ERC2: variants seen among roughly 807,000 people sequenced by gnomAD.
ERC2 encodes ERC protein 2.
In ERC2, 42 loss-of-function variants were observed where a neutral mutation model predicts 114.8. The observed-to-expected ratio is 0.37, with a 90% CI of 0.29 to 0.47. The LOEUF is 0.47. ERC2 is among the 20% of genes least tolerant of loss of function. The pLI, the probability that ERC2 is intolerant of heterozygous loss-of-function variation, is 0.99. For missense variants in ERC2, 939 were observed against 1,150.7 expected, an observed-to-expected ratio of 0.82 and a Z score of 2.66; for synonymous variants, 454 against 425.5, an observed-to-expected ratio of 1.07 and a Z score of -0.82.
In ERC2 at chr3:55,995,329, C is replaced by CTCAATCAA. The variant is rs71099607; in HGVS notation, c.2062-3087_2062-3080dup. 8.9e-4 allele frequency among the ~76,000 whole-genome samples: 135 copies of CTCAATCAA among 151,014 alleles called. No individual in the cohort carries two copies. The East Asian group carries it at 0.011, about 12-fold the overall frequency. ...GCCTGGCGACAGAGCGATACTCCAT[C>CTCAATCAA]TCAATCAATCAATCAATCAATCAAT... is the stretch of plus-strand genomic sequence containing the variant. On this transcript the variant is annotated intron_variant, in intron 10 of 17. Coordinates refer to ENST00000288221, the MANE Select transcript of ERC2 (RefSeq NM_015576.3).
chr3:56,407,000 TTTC>T (rs1308320755), intron 2 of ERC2, among the ~76,000 whole-genome samples: 1 of 152,162 alleles, frequency 6.6e-6, no homozygotes, highest in Non-Finnish European at 1.5e-5. Flanking sequence ...ATAAATGTAA[TTTC>T]TGCTTGGAAA....
chr3:56,188,881 C>T (rs748570773), intron 3 of ERC2, among the ~76,000 whole-genome samples: 4 of 152,114 alleles, frequency 2.6e-5, no homozygotes, highest in East Asian at 1.9e-4. Context: ...ATCTGCTGTC[C>T]GACTCTCCCC....
rs1175494452 is a variant in ERC2, at chr3:56,084,511, G to GAT, written c.1474-3529_1474-3528dup. On this transcript the variant is annotated intron_variant, in intron 6 of 17. Coordinates refer to ENST00000288221, the MANE Select transcript of ERC2 (RefSeq NM_015576.3). ...GTAGATAAAGTATGATAACAAATAA[G>GAT]ATATATATATGATAAGAATGAAATA... Among the ~76,000 whole-genome samples the GAT allele has an allele frequency of 2.0e-5, 3 of 151,984 alleles. No individual in the cohort carries two copies. In the East Asian group the frequency reaches 5.8e-4, roughly 29 times the overall value.
intron 14 of ERC2, among the ~76,000 whole-genome samples, chr3:55,839,936 T>C (rs2061059106): frequency 6.6e-6 from 1 of 152,004 alleles, no homozygotes. Flanking sequence ...ATATGCAGTC[T>C]ACAAGTTATC....
At chr3:56,381,338 CT>C (rs1387389609) in intron 2 of ERC2, among the ~76,000 whole-genome samples, 1 of 152,132 alleles carries the variant, frequency 6.6e-6, no homozygotes, top group African/African-American at 2.4e-5. Context: ...CCAAGACCCC[CT>C]ATGCATAACA....
chr3:55,835,026 T>C (rs1234153391), intron 14 of ERC2, among the ~76,000 whole-genome samples: 3 of 151,436 alleles, frequency 2.0e-5, no homozygotes, highest in Non-Finnish European at 4.4e-5. Context: ...CCTCGACACA[T>C]ACACCCTCCC....
chr3:56,390,094 A>G (rs930327083), intron 2 of ERC2, among the ~76,000 whole-genome samples: 1 of 152,202 alleles, frequency 6.6e-6, no homozygotes, highest in Non-Finnish European at 1.5e-5. Context: ...ATGGAATAAT[A>G]TGTTCTTACA....
chr3:56,445,988 C>T (rs1386438636), intron 1 of ERC2, among the ~76,000 whole-genome samples: 3 of 151,958 alleles, frequency 2.0e-5, no homozygotes, highest in Non-Finnish European at 4.4e-5. Flanking sequence ...ATCTCAATGG[C>T]CCTCTTGTTT....
intron 7 of ERC2, among the ~76,000 whole-genome samples, chr3:56,019,823 A>T (rs1350478802): frequency 6.6e-6 from 1 of 152,156 alleles, no homozygotes; most frequent in Non-Finnish European, 1.5e-5. Flanking sequence ...CAAACCATGT[A>T]TTTCTTATCT....
chr3:55,864,269 ATGTG>A (rs1160212991), intron 14 of ERC2, among the ~76,000 whole-genome samples: 6 of 148,798 alleles, frequency 4.0e-5, no homozygotes, highest in Non-Finnish European at 7.4e-5. Context: ...GTGTGTGTGT[ATGTG>A]TGTGTTTATA....
intron 14 of ERC2, among the ~76,000 whole-genome samples, chr3:55,858,121 A>C (rs2061869035): frequency 6.6e-6 from 1 of 152,230 alleles, no homozygotes; most frequent in African/African-American, 2.4e-5. Flanking sequence ...ATAGACACAT[A>C]TGCCATAACT....
At chr3:56,238,261 T>C (rs747850365) in intron 3 of ERC2, among the ~76,000 whole-genome samples, 8 of 152,218 alleles carry the variant, frequency 5.3e-5, no homozygotes, top group Non-Finnish European at 1.0e-4. Context: ...ACAGCCTCTG[T>C]CCTTGGAAAC....
At chr3:56,396,358 G>A (rs532388692) in intron 2 of ERC2, among the ~76,000 whole-genome samples, 4 of 152,312 alleles carry the variant, frequency 2.6e-5, no homozygotes, top group South Asian at 2.1e-4. Context: ...AGCCAGGCAT[G>A]GTGGAGTGGC....
chr3:55,847,275 T>C lies in ERC2; in HGVS notation c.2564+41114A>G, dbSNP rs114627582. 2.9e-3 allele frequency among the ~76,000 whole-genome samples: 446 copies of C among 152,294 alleles called. 4 individuals carry two copies. Among genetic ancestry groups the C allele is most frequent in the African/African-American group, 0.01 (424 of 41,560 alleles). On this transcript the variant is annotated intron_variant, in intron 14 of 17. Coordinates refer to ENST00000288221, the MANE Select transcript of ERC2 (RefSeq NM_015576.3). ...TCCCATTGGACATAAATTAATTAAA[T>C]GAGGATTTTCACCCTCCTTTTTATT...
At position 56,123,247 on chromosome 3, in the gene ERC2, G is replaced by A. The variant is rs555800348; in HGVS notation, c.1473+16262C>T. Among the ~76,000 whole-genome samples the A allele has an allele frequency of 7.0e-4, 107 of 152,184 alleles. 1 individual carries two copies. The highest frequency in any genetic ancestry group is 9.8e-4 in the Admixed American group (15 of 15,290). On this transcript the variant is annotated intron_variant, in intron 6 of 17. Coordinates refer to ENST00000288221, the MANE Select transcript of ERC2 (RefSeq NM_015576.3). ...TATTAGGAAGTGGGGCCTTTTAGAGGTAATTAGGTCATGAGAGTGGAGCCC... is the reference window on the plus strand; with the variant it reads ...TATTAGGAAGTGGGGCCTTTTAGAGATAATTAGGTCATGAGAGTGGAGCCC...
chr3:55,936,960 G>A (rs1447779673), intron 13 of ERC2, among the ~76,000 whole-genome samples: 1 of 152,200 alleles, frequency 6.6e-6, no homozygotes, highest in East Asian at 1.9e-4. Context: ...CAACCTTGTT[G>A]CACAACACAC....
At chr3:55,698,057 A>G (rs2063028724) in intron 16 of ERC2, among the ~76,000 whole-genome samples, 2 of 152,080 alleles carry the variant, frequency 1.3e-5, no homozygotes, top group African/African-American at 4.8e-5. Context: ...AGATAATGAC[A>G]TGAAATTGAC....
intron 13 of ERC2, among the ~76,000 whole-genome samples, chr3:55,898,789 C>G (rs1576089298): frequency 6.6e-6 from 1 of 151,958 alleles, no homozygotes; most frequent in Non-Finnish European, 1.5e-5. Context: ...AAATTTTCAC[C>G]AAGAAACCCG....
intron 17 of ERC2, among the ~76,000 whole-genome samples, chr3:55,550,964 T>C (rs1196230067): frequency 1.4e-5 from 2 of 144,404 alleles, no homozygotes; most frequent in Non-Finnish European, 3.0e-5. Flanking sequence ...TGTAGTGAGC[T>C]GAGATCGCGC....
Sources: gnomAD v4.1 joint callset for allele counts (sites outside exome capture counted in the v4.1 genomes callset) on GRCh38, gnomAD v4.1.1 for gene constraint, MANE v1.5 for transcripts, NCBI Gene and HGNC (gene_info 2026-07-23, HGNC 2026-07-21) for gene names.